The following PGGT1B variants were observed in gnomAD, a reference collection of about 807,000 sequenced individuals.
PGGT1B encodes the protein geranylgeranyl transferase type-1 subunit beta.
A neutral mutation model predicts 46.1 loss-of-function variants in PGGT1B; 30 were observed. The ratio of observed to expected loss-of-function variants is 0.65; its 90% CI spans 0.49 to 0.88. The LOEUF is 0.88. Among genes scored for constraint, PGGT1B ranks in the 40% least tolerant of loss-of-function variants. The pLI, the probability that PGGT1B is intolerant of heterozygous loss-of-function variation, is 0.00. For synonymous variants in PGGT1B, 170 were observed against 160.0 expected (o/e 1.06, Z -0.47); for missense variants, 376 against 455.9 (o/e 0.82, Z 1.60).
chr5:115,254,958 T>C (rs72813839), intron 1 of PGGT1B, among the ~76,000 whole-genome samples: 8,301 of 152,212 alleles, frequency 0.055, 300 homozygotes, highest in African/African-American at 0.096. Flanking sequence ...AGCAGTGTTG[T>C]ACAGTAGTTC....
chr5:115,245,330 C>A (rs920532252), intron 2 of PGGT1B, among the ~76,000 whole-genome samples: 7 of 152,110 alleles, frequency 4.6e-5, no homozygotes, highest in African/African-American at 1.4e-4. Flanking sequence ...TGTTTTTAGC[C>A]TGATTAAATA....
At chr5:115,237,495 A>C (rs760339800) in intron 4 of PGGT1B, among the ~76,000 whole-genome samples, 2 of 152,160 alleles carry the variant, frequency 1.3e-5, no homozygotes, top group Non-Finnish European at 2.9e-5. Context: ...TTTCTTCCCT[A>C]ATCACCATAA....
At chr5:115,220,695 C>G (rs555688731) in intron 7 of PGGT1B, among the ~76,000 whole-genome samples, 16 of 151,674 alleles carry the variant, frequency 1.1e-4, no homozygotes, top group Non-Finnish European at 1.8e-4. Context: ...AGGAAATATA[C>G]GTGATACAAC....
chr5:115,223,082 C>T (rs897022981), intron 6 of PGGT1B, among the ~76,000 whole-genome samples: 5 of 150,584 alleles, frequency 3.3e-5, no homozygotes, highest in Admixed American at 6.6e-5. Flanking sequence ...CAAACCTGCA[C>T]GTTGTGCACA....
At chr5:115,222,284 C>T (rs1271435186) in intron 6 of PGGT1B, among the ~76,000 whole-genome samples, 1 of 152,136 alleles carries the variant, frequency 6.6e-6, no homozygotes, top group African/African-American at 2.4e-5. Context: ...TGGTTAACAG[C>T]AGATTTGGAA....
At chr5:115,213,547 T>C (rs1756309387) in intron 8 of PGGT1B, among the ~76,000 whole-genome samples, 1 of 152,080 alleles carries the variant, frequency 6.6e-6, no homozygotes, top group Non-Finnish European at 1.5e-5. Flanking sequence ...GAGAAGGGCA[T>C]ATTCCTTGAG....
intron 1 of PGGT1B, among the ~76,000 whole-genome samples, chr5:115,261,162 C>T (rs1748541115): frequency 1.3e-5 from 2 of 152,158 alleles, no homozygotes; most frequent in Admixed American, 1.3e-4. Context: ...AAGATATAAA[C>T]AATTTATCAA....
At chr5:115,259,305 G>A (rs1748450767) in intron 1 of PGGT1B, among the ~76,000 whole-genome samples, 1 of 152,152 alleles carries the variant, frequency 6.6e-6, no homozygotes, top group African/African-American at 2.4e-5. Context: ...AAGGGGCCCA[G>A]GTATGTGCAT....
chr5:115,223,762 AAGTC>A (rs2126997301), intron 6 of PGGT1B, among the ~76,000 whole-genome samples: 1 of 152,358 alleles, frequency 6.6e-6, no homozygotes, highest in South Asian at 2.1e-4. Flanking sequence ...AGGAAATGAA[AAGTC>A]AGTATTTTTC....
At chr5:115,218,085 G>A (rs1756475165) in intron 7 of PGGT1B, among the ~76,000 whole-genome samples, 1 of 151,700 alleles carries the variant, frequency 6.6e-6, no homozygotes, top group Non-Finnish European at 1.5e-5. Flanking sequence ...ATATAGCATT[G>A]GAAGGTAGAA....
At chr5:115,219,824 AC>A (rs1257302268) in intron 7 of PGGT1B, among the ~76,000 whole-genome samples, 2 of 151,904 alleles carry the variant, frequency 1.3e-5, no homozygotes, top group Non-Finnish European at 2.9e-5. Flanking sequence ...ACCAATAAGT[AC>A]ACAGAAAGAC....
Position 115,205,579 on chromosome 5 carries a change from A to T in PGGT1B, c.*6823T>A, listed in dbSNP as rs185403572. 42 of 152,238 alleles carry T rather than the reference A, an allele frequency of 2.8e-4. 1 individual carries two copies. In the East Asian group the frequency reaches 5.2e-3, roughly 19 times the overall value. The allele number at this position is 152,238 out of a possible 1,614,324, so 9.4% of individuals were successfully genotyped here. ...TACTGCTACTAACTGTTAAAGCTTTATCTTGTGTGAGTTAATTCATATTTG... is the reference window on the plus strand; with the variant it reads ...TACTGCTACTAACTGTTAAAGCTTTTTCTTGTGTGAGTTAATTCATATTTG... On this transcript the variant is annotated 3_prime_UTR_variant, in exon 9 of 9. Coordinates refer to ENST00000419445, the MANE Select transcript of PGGT1B (RefSeq NM_005023.4).
At chr5:115,256,056 G>C (rs965935476) in intron 1 of PGGT1B, among the ~76,000 whole-genome samples, 1 of 152,246 alleles carries the variant, frequency 6.6e-6, no homozygotes, top group East Asian at 1.9e-4. Context: ...TAACTTCCCA[G>C]GTAATTTTAA....
chr5:115,219,149 A>G lies in PGGT1B; in HGVS notation c.844-2176T>C, dbSNP rs1756513304. ...GCAAGGGGCTCCAAATAGCCAAAAC[A>G]ATCTTGAAAAAGAAAAGTTGGAAGT... On this transcript the variant is annotated intron_variant, in intron 7 of 8. Coordinates refer to ENST00000419445, the MANE Select transcript of PGGT1B (RefSeq NM_005023.4). Among the ~76,000 whole-genome samples, 5 of 151,886 alleles carry G rather than the reference A, an allele frequency of 3.3e-5. No homozygotes were observed. The South Asian group carries it at 1.0e-3, about 31-fold the overall frequency.
intron 1 of PGGT1B, chr5:115,262,478 G>T (rs1046555557): frequency 7.7e-6 from 4 of 518,676 alleles, no homozygotes; most frequent in Non-Finnish European, 1.0e-5. Flanking sequence ...GAAGAAAAGG[G>T]AAGTGAAAAA....
At chr5:115,233,195 A>C (rs541871045) in intron 5 of PGGT1B, among the ~76,000 whole-genome samples, 142 of 152,112 alleles carry the variant, frequency 9.3e-4, no homozygotes, top group African/African-American at 3.3e-3. Context: ...AGAAAACTGT[A>C]ATGTAGCACT....
chr5:115,241,914 G>A (rs73255479), intron 2 of PGGT1B, among the ~76,000 whole-genome samples: 2,118 of 152,068 alleles, frequency 0.014, 46 homozygotes, highest in African/African-American at 0.046. Context: ...TGATCAACAT[G>A]TTCAATCCCC....
intron 5 of PGGT1B, among the ~76,000 whole-genome samples, chr5:115,235,144 CAT>C (rs1007124484): frequency 3.0e-4 from 45 of 151,940 alleles, no homozygotes; most frequent in African/African-American, 1.1e-3. Flanking sequence ...GTCAAAAGGG[CAT>C]AGAGCCTACT....
chr5:115,260,782 T>A (rs1488721787), intron 1 of PGGT1B, among the ~76,000 whole-genome samples: 1 of 152,172 alleles, frequency 6.6e-6, no homozygotes, highest in African/African-American at 2.4e-5. Context: ...ACACCTGGTG[T>A]CGATCCTATG....
Sources: allele counts gnomAD v4.1 joint callset (sites outside exome capture counted in the v4.1 genomes callset), GRCh38; gene constraint gnomAD v4.1.1; transcripts MANE v1.5; gene names NCBI Gene and HGNC (gene_info 2026-07-23, HGNC 2026-07-21).